The following ATP6V1E1 variants were observed in gnomAD, a reference collection of about 807,000 sequenced individuals.
The protein encoded by ATP6V1E1 is V-type proton ATPase subunit E 1.
ATP6V1E1 carries 21 observed loss-of-function variants against 35.2 expected under a neutral mutation model. The observed-to-expected ratio is 0.60, with a 90% CI of 0.42 to 0.86. The LOEUF is 0.86. Among genes scored for constraint, ATP6V1E1 ranks in the 40% least tolerant of loss-of-function variants. ATP6V1E1 has a pLI of 0.00. For synonymous variants in ATP6V1E1, 83 were observed against 87.8 expected (o/e 0.95, Z 0.30); for missense variants, 183 against 272.6 (o/e 0.67, Z 2.32).
At chr22:17,628,488 G>C in intron 1 of ATP6V1E1, 115 bp downstream of exon 1, 1 of 1,418,632 alleles carries the variant, frequency 7.0e-7, no homozygotes, top group Non-Finnish European at 9.9e-7. Context: ...CTTGGAGCAA[G>C]GGACCTTCCT....
intron 4 of ATP6V1E1, among the ~76,000 whole-genome samples, chr22:17,604,082 G>C (rs563223830): frequency 2.0e-5 from 3 of 152,210 alleles, no homozygotes; most frequent in Admixed American, 2.0e-4. Context: ...TAGCTAAGCA[G>C]GCTAGAACCT....
chr22:17,595,538 T>C (rs1199888652), intron 7 of ATP6V1E1, among the ~76,000 whole-genome samples: 3 of 152,084 alleles, frequency 2.0e-5, no homozygotes, highest in Non-Finnish European at 4.4e-5. Flanking sequence ...TGATAAAAGA[T>C]GCCACTGCTG....
chr22:17,625,799 T>C (rs2057901160), intron 1 of ATP6V1E1, among the ~76,000 whole-genome samples: 1 of 151,988 alleles, frequency 6.6e-6, no homozygotes, highest in East Asian at 1.9e-4. Flanking sequence ...AAACTGCTAC[T>C]ATATTCCCCT....
intron 2 of ATP6V1E1, chr22:17,619,184 C>G (rs1018453178): frequency 1.3e-5 from 6 of 464,022 alleles, no homozygotes; most frequent in African/African-American, 2.0e-5. Flanking sequence ...CTCAGCTACT[C>G]GGGAGGCTGA....
At chr22:17,627,522 T>G (rs1014260704) in intron 1 of ATP6V1E1, among the ~76,000 whole-genome samples, 3 of 151,646 alleles carry the variant, frequency 2.0e-5, no homozygotes, top group Admixed American at 2.0e-4. Flanking sequence ...AAAATGAAGA[T>G]TAACAGTACA....
At chr22:17,598,585 C>T (rs1484873555) in intron 6 of ATP6V1E1, among the ~76,000 whole-genome samples, 1 of 145,744 alleles carries the variant, frequency 6.9e-6, no homozygotes, top group Non-Finnish European at 1.5e-5. Flanking sequence ...ATACATTATT[C>T]CCCCAGCTGA....
chr22:17,624,589 G>A (rs928057653), intron 1 of ATP6V1E1, among the ~76,000 whole-genome samples: 4 of 151,644 alleles, frequency 2.6e-5, no homozygotes, highest in African/African-American at 4.8e-5. Context: ...AGTGGCTCAC[G>A]CCTATAATCC....
At chr22:17,613,162 T>C (rs2057823804) in intron 3 of ATP6V1E1, 49 bp downstream of exon 3, 1 of 1,538,508 alleles carries the variant, frequency 6.5e-7, no homozygotes, top group Non-Finnish European at 8.9e-7. Context: ...CGCCTGCTCA[T>C]GACTTCAGAA....
chr22:17,615,599 C>T (rs1359587212), intron 2 of ATP6V1E1, among the ~76,000 whole-genome samples: 1 of 151,676 alleles, frequency 6.6e-6, no homozygotes, highest in African/African-American at 2.4e-5. Flanking sequence ...GCAGAGATTA[C>T]ACTGCTGCAC....
At chr22:17,628,556 C>T (rs1325456865) in intron 1 of ATP6V1E1, 47 bp downstream of exon 1, 1 of 1,613,444 alleles carries the variant, frequency 6.2e-7, no homozygotes, top group African/African-American at 1.3e-5. Flanking sequence ...CAGCCCACTC[C>T]CCGGGACTGC....
At chr22:17,605,413 C>G (rs1479167794) in intron 4 of ATP6V1E1, among the ~76,000 whole-genome samples, 1 of 151,610 alleles carries the variant, frequency 6.6e-6, no homozygotes, top group African/African-American at 2.4e-5. Context: ...GCCTGTAATC[C>G]CAGCTACTCG....
chr22:17,627,093 G>T (rs1006819137), intron 1 of ATP6V1E1, among the ~76,000 whole-genome samples: 1 of 151,914 alleles, frequency 6.6e-6, no homozygotes, highest in Non-Finnish European at 1.5e-5. Flanking sequence ...GGGTTCAAGC[G>T]ATTCTCCTGC....
chr22:17,612,963 C>A, intron 3 of ATP6V1E1, 85 bp from the exon 4 acceptor site: 1 of 1,250,702 alleles, frequency 8.0e-7, no homozygotes, highest in East Asian at 2.4e-5. Context: ...AAGCAATCCT[C>A]CTCCCTTGGC....
Position 17,610,496 on chromosome 22 carries a change from C to A in ATP6V1E1, c.276+2316G>T, listed in dbSNP as rs552088177. The stretch of plus-strand genomic sequence containing the variant: ...TCTTTTCCACTCTTAATATTATTAA[C>A]CTTCAAAAAGGTGGCATAAAAAACA... On this transcript the variant is annotated intron_variant, in intron 4 of 8. Transcript: ENST00000253413. Among the ~76,000 whole-genome samples, 4 of 144,994 alleles carry A rather than the reference C, an allele frequency of 2.8e-5. No homozygotes were observed. The South Asian group carries it at 8.5e-4, about 31-fold the overall frequency.
At chr22:17,623,077 A>G (rs1219295099) in intron 1 of ATP6V1E1, among the ~76,000 whole-genome samples, 1 of 151,592 alleles carries the variant, frequency 6.6e-6, no homozygotes, top group Non-Finnish European at 1.5e-5. Context: ...TTTTTTTCTT[A>G]TTTTGGCAGG....
chr22:17,610,179 T>A (rs1412116034), intron 4 of ATP6V1E1, among the ~76,000 whole-genome samples: 1 of 152,170 alleles, frequency 6.6e-6, no homozygotes, highest in Non-Finnish European at 1.5e-5. Flanking sequence ...TTCTAATAGA[T>A]TTAAGGCAGC....
rs758805017 is a variant in ATP6V1E1, at chr22:17,628,706, G to A, written c.-71C>T. ...TTTGAAAGGTGAGGTGAGAGAAATCGGCAAAGGGAACCCCTGCGCAGATCT... is the reference window on the plus strand; with the variant it reads ...TTTGAAAGGTGAGGTGAGAGAAATCAGCAAAGGGAACCCCTGCGCAGATCT... On this transcript the variant is annotated 5_prime_UTR_variant, in exon 1 of 9. Coordinates refer to ENST00000253413, the MANE Select transcript of ATP6V1E1 (RefSeq NM_001696.4). 8 of 1,600,008 alleles carry A rather than the reference G, an allele frequency of 5.0e-6. No individual in the cohort carries two copies. Among genetic ancestry groups the A allele is most frequent in the South Asian group, 1.1e-5 (1 of 90,816 alleles).
rs191840672 is a variant in ATP6V1E1 at position 17,596,401 on chromosome 22, G to A, written c.531-1785C>T. Among the ~76,000 whole-genome samples the A allele has an allele frequency of 2.1e-3, 323 of 151,680 alleles. 1 individual carries two copies. Among genetic ancestry groups the A allele is most frequent in the African/African-American group, 7.3e-3 (301 of 41,032 alleles). ...GGACTCGACTGTGAGCAGAGGGTGG[G>A]CTGGTATGATAGGGAGTCTGGTTCC... On this transcript the variant is annotated intron_variant, in intron 7 of 8. Transcript: ENST00000253413.
chr22:17,592,767 T>C (rs1331631172), intron 8 of ATP6V1E1, 31 bp from the exon 9 acceptor site: 8 of 1,570,406 alleles, frequency 5.1e-6, no homozygotes, highest in Middle Eastern at 1.7e-4. Flanking sequence ...AAATACGCAA[T>C]GTCAGCTGAA....
Sources: gnomAD v4.1 joint callset for allele counts (sites outside exome capture counted in the v4.1 genomes callset) on GRCh38, gnomAD v4.1.1 for gene constraint, MANE v1.5 for transcripts, NCBI Gene and HGNC (gene_info 2026-07-23, HGNC 2026-07-21) for gene names.